Variants in CPQ observed in about 807,000 individuals in gnomAD.
CPQ encodes the protein Ser-Met dipeptidase.
Under a neutral mutation model 45.7 loss-of-function variants are expected in CPQ, and 37 were observed. The ratio of observed to expected loss-of-function variants is 0.81; its 90% CI spans 0.62 to 1.07. CPQ has a LOEUF of 1.07. CPQ is among the 50% of genes least tolerant of loss of function. The pLI, the probability that CPQ is intolerant of heterozygous loss-of-function variation, is 0.00. For synonymous variants in CPQ, 186 were observed against 205.8 expected (o/e 0.90, Z 0.82); for missense variants, 537 against 572.9 (o/e 0.94, Z 0.64).
chr8:96,975,531 AAG>A (rs1563543943), intron 5 of CPQ, among the ~76,000 whole-genome samples: 1 of 151,826 alleles, frequency 6.6e-6, no homozygotes, highest in East Asian at 1.9e-4. Context: ...ACAAAAAAAA[AAG>A]AGAGAGAGAG....
chr8:96,897,922 T>C (rs1812465160), intron 4 of CPQ, among the ~76,000 whole-genome samples: 1 of 152,144 alleles, frequency 6.6e-6, no homozygotes, highest in Non-Finnish European at 1.5e-5. Context: ...GGAGGTGTGA[T>C]TCTCCTTCTG....
intron 7 of CPQ, among the ~76,000 whole-genome samples, chr8:97,104,043 C>G (rs1811360681): frequency 6.6e-6 from 1 of 152,110 alleles, no homozygotes; most frequent in South Asian, 2.1e-4. Flanking sequence ...TAGTACTCAG[C>G]TTGCAGGGAT....
At chr8:96,725,968 C>G (rs1809833060) in intron 1 of CPQ, among the ~76,000 whole-genome samples, 1 of 152,090 alleles carries the variant, frequency 6.6e-6, no homozygotes, top group Non-Finnish European at 1.5e-5. Flanking sequence ...GGCCATTATC[C>G]TAAGTGAATT....
chr8:96,797,281 G>A (rs190832958), intron 2 of CPQ, among the ~76,000 whole-genome samples: 1 of 152,190 alleles, frequency 6.6e-6, no homozygotes, highest in South Asian at 2.1e-4. Context: ...GTTCTTAGGT[G>A]TTCAGTCTTT....
rs181247460 is a variant in CPQ at position 96,953,617 on chromosome 8, G to A, written c.850-12318G>A. Among the ~76,000 whole-genome samples the A allele has an allele frequency of 1.5e-4, 23 of 152,146 alleles. 1 individual carries two copies. Among genetic ancestry groups the A allele is most frequent in the Middle Eastern group, 3.4e-3 (1 of 294 alleles). On this transcript the variant is annotated intron_variant, in intron 4 of 7. Transcript: ENST00000220763. ...AACTCTTTCCTCAGGTGTCCTGGAC[G>A]GAAACAAAAGGGAGTAAAAAAGTGT...
At chr8:97,055,681 G>A (rs897886500) in intron 6 of CPQ, 4 of 152,190 alleles carry the variant, frequency 2.6e-5, no homozygotes, top group African/African-American at 9.7e-5. Flanking sequence ...AACAAGATTT[G>A]TTGATAGATT....
chr8:96,841,847 A>G (rs1276928358), intron 3 of CPQ, among the ~76,000 whole-genome samples: 1 of 152,202 alleles, frequency 6.6e-6, no homozygotes, highest in Non-Finnish European at 1.5e-5. Flanking sequence ...GGAGAATGCT[A>G]TACCATCTGG....
intron 6 of CPQ, among the ~76,000 whole-genome samples, chr8:97,036,221 C>T (rs550595541): frequency 6.8e-4 from 103 of 152,228 alleles, no homozygotes; most frequent in African/African-American, 2.5e-3. Context: ...TGAAACTCAA[C>T]TGGAGCCCAA....
At chr8:96,697,719 A>C (rs1356553901) in intron 1 of CPQ, among the ~76,000 whole-genome samples, 1 of 152,142 alleles carries the variant, frequency 6.6e-6, no homozygotes, top group African/African-American at 2.4e-5. Flanking sequence ...GCCAACAACA[A>C]ACAATCTAAA....
intron 5 of CPQ, among the ~76,000 whole-genome samples, chr8:96,992,580 C>T (rs1809112929): frequency 6.6e-6 from 1 of 152,042 alleles, no homozygotes; most frequent in South Asian, 2.1e-4. Flanking sequence ...AGGTGTCTCT[C>T]CTTATTGTAT....
chr8:96,719,036 G>A (rs1173917620), intron 1 of CPQ, among the ~76,000 whole-genome samples: 7 of 152,244 alleles, frequency 4.6e-5, no homozygotes, highest in South Asian at 2.1e-4. Context: ...AGTAGATCCC[G>A]CACCGGGGCT....
chr8:96,847,744 CAT>C (rs1480143949), intron 3 of CPQ, among the ~76,000 whole-genome samples: 2 of 151,876 alleles, frequency 1.3e-5, no homozygotes, highest in African/African-American at 2.4e-5. Context: ...TCCTTCATCC[CAT>C]ACATAATTGC....
At position 96,739,844 on chromosome 8, in the gene CPQ, A is replaced by G. The variant is rs1333456546; in HGVS notation, c.-34-45020A>G. ...ATATCTCTGTTTTGGTACCAGTACC[A>G]TGCTGTTTTGGTTACTGTAGCCTAG... On this transcript the variant is annotated intron_variant, in intron 1 of 7. Coordinates refer to ENST00000220763, the MANE Select transcript of CPQ (RefSeq NM_016134.4). 3.3e-5 allele frequency among the ~76,000 whole-genome samples: 5 copies of G among 151,464 alleles called. No individual in the cohort carries two copies. The East Asian group carries it at 7.7e-4, about 23-fold the overall frequency.
intron 4 of CPQ, among the ~76,000 whole-genome samples, chr8:96,921,922 C>T (rs1404198095): frequency 6.6e-6 from 1 of 151,986 alleles, no homozygotes; most frequent in East Asian, 1.9e-4. Flanking sequence ...GGTGGGGGGA[C>T]ATTTGAGTAA....
At chr8:96,853,677 T>C (rs1281313042) in intron 3 of CPQ, among the ~76,000 whole-genome samples, 2 of 152,174 alleles carry the variant, frequency 1.3e-5, no homozygotes, top group Non-Finnish European at 1.5e-5. Flanking sequence ...GTTGATAATT[T>C]AGTGATGAAA....
chr8:97,049,453 C>T (rs939741732), intron 6 of CPQ, among the ~76,000 whole-genome samples: 5 of 152,160 alleles, frequency 3.3e-5, no homozygotes, highest in Admixed American at 3.3e-4. Context: ...AATAAACTTA[C>T]TTTTATTTTT....
At chr8:96,936,544 C>A (rs559490660) in intron 4 of CPQ, among the ~76,000 whole-genome samples, 1 of 152,286 alleles carries the variant, frequency 6.6e-6, no homozygotes, top group African/African-American at 2.4e-5. Flanking sequence ...CACAGAGGAA[C>A]CAGTACAGGT....
At chr8:96,893,910 T>C (rs1465301524) in intron 4 of CPQ, among the ~76,000 whole-genome samples, 1 of 152,212 alleles carries the variant, frequency 6.6e-6, no homozygotes, top group Non-Finnish European at 1.5e-5. Flanking sequence ...TCTCTTCCCC[T>C]GCATGTGTAC....
chr8:97,061,575 T>G lies in CPQ; in HGVS notation c.1054-4434T>G, dbSNP rs180979376. ...GAAAGTTAGTCAACCTGACTAAACC[T>G]CAGTTACTTCATCTGTCAGATGAGA... On this transcript the variant is annotated intron_variant, in intron 6 of 7. Coordinates refer to ENST00000220763, the MANE Select transcript of CPQ (RefSeq NM_016134.4). Among the ~76,000 whole-genome samples the G allele has an allele frequency of 1.7e-3, 253 of 152,206 alleles. 3 individuals are homozygous for G. Among genetic ancestry groups the G allele is most frequent in the Admixed American group, 0.013 (197 of 15,274 alleles).
Sources: allele counts gnomAD v4.1 joint callset (sites outside exome capture counted in the v4.1 genomes callset), GRCh38; gene constraint gnomAD v4.1.1; transcripts MANE v1.5; gene names NCBI Gene and HGNC (gene_info 2026-07-23, HGNC 2026-07-21).